KALRN: variants seen among roughly 807,000 people sequenced by gnomAD.
The protein encoded by KALRN is kalirin.
In KALRN, 70 loss-of-function variants were observed where a neutral mutation model predicts 353.7. The ratio of observed to expected loss-of-function variants is 0.20; its 90% CI spans 0.16 to 0.24. KALRN has a LOEUF of 0.24. Ranked by LOEUF, KALRN falls within the 10% of genes least tolerant of loss-of-function variation. The probability of loss-of-function intolerance (pLI) is 1.00; values close to 1 mark genes in which losing one functional copy is unlikely to be tolerated. For missense variants in KALRN, 2,791 were observed against 3,756.7 expected (o/e 0.74, Z 6.72); for synonymous variants, 1,391 against 1,434.8 (o/e 0.97, Z 0.69).
chr3:124,171,553 G>T (rs1247438135), intron 1 of KALRN, among the ~76,000 whole-genome samples: 2 of 152,118 alleles, frequency 1.3e-5, no homozygotes, highest in African/African-American at 4.8e-5. Flanking sequence ...TGCTCTACTG[G>T]ATTGGTCAAA....
rs561202198 is a variant in KALRN, at chr3:124,451,621, G to T, written c.3553-3556G>T. ...AGTGGGCTTAGGTTGAACGAGAAAA[G>T]ATATGTATGGCCACGTGTGGAAATA... is the stretch of plus-strand genomic sequence containing the variant. On this transcript the variant is annotated intron_variant, in intron 21 of 59. Coordinates refer to ENST00000682506, the MANE Select transcript of KALRN (RefSeq NM_001388419.1). Among the ~76,000 whole-genome samples, 5 of 152,286 alleles carry T rather than the reference G, an allele frequency of 3.3e-5. No individual in the cohort carries two copies. In the East Asian group the frequency reaches 9.6e-4, roughly 29 times the overall value.
At chr3:124,097,489 A>C (rs189643734) in intron 1 of KALRN, among the ~76,000 whole-genome samples, 69 of 152,388 alleles carry the variant, frequency 4.5e-4, no homozygotes, top group African/African-American at 1.6e-3. Flanking sequence ...AGGAAATGAG[A>C]AGTGGGAACT....
chr3:124,593,910 C>T (rs60620328), intron 34 of KALRN, among the ~76,000 whole-genome samples: 16,867 of 152,178 alleles, frequency 0.11, 2,120 homozygotes, highest in East Asian at 0.43. Flanking sequence ...CCAGGCTGGT[C>T]TCTAACTCCT....
chr3:124,240,544 C>T (rs2080305548), intron 3 of KALRN, among the ~76,000 whole-genome samples: 1 of 152,078 alleles, frequency 6.6e-6, no homozygotes, highest in Admixed American at 6.5e-5. Context: ...TGGAAGATGC[C>T]ACCAACACAT....
chr3:124,235,614 A>G (rs2079659317), intron 3 of KALRN, among the ~76,000 whole-genome samples: 1 of 150,844 alleles, frequency 6.6e-6, no homozygotes, highest in African/African-American at 2.4e-5. Context: ...GCTTAGGGAA[A>G]GGGGCTGACA....
In KALRN at chr3:124,661,928, G is replaced by A; in HGVS notation, c.6345G>A (p.Glu2115=). 6.2e-7 allele frequency: 1 copy of A among 1,613,160 alleles called. No individual in the cohort carries two copies. The highest frequency in any genetic ancestry group is 8.5e-7 in the Non-Finnish European group (1 of 1,179,186). Residue 2115 remains glutamate, a splice_region_variant and synonymous_variant, in exon 45 of 60, where the codon GAG becomes GAA. Transcript: ENST00000682506. ...ATCTAGGACGTCTGCAGGGCTTTGA[G>A]GTGAGTCTTTAAGAATGCGTCTAAG... The part of the protein sequence containing the change: ...MMNLGRLQGF[E]GTLTAQGKLL...
chr3:124,104,032 C>T (rs1047959898), intron 1 of KALRN, among the ~76,000 whole-genome samples: 1 of 152,260 alleles, frequency 6.6e-6, no homozygotes, highest in South Asian at 2.1e-4. Flanking sequence ...TCAAGTGATA[C>T]TTATAAGGGG....
intron 58 of KALRN, among the ~76,000 whole-genome samples, chr3:124,716,752 G>A (rs1186350719): frequency 6.6e-6 from 1 of 152,208 alleles, no homozygotes; most frequent in Non-Finnish European, 1.5e-5. Flanking sequence ...GCTGCAGTGA[G>A]CTATGATTGT....
chr3:124,177,896 C>T (rs1401316590), intron 1 of KALRN, among the ~76,000 whole-genome samples: 1 of 152,164 alleles, frequency 6.6e-6, no homozygotes, highest in Non-Finnish European at 1.5e-5. Context: ...ATCCATGGAT[C>T]TCTGGGTAAT....
intron 37 of KALRN, among the ~76,000 whole-genome samples, chr3:124,649,660 G>T (rs1358851774): frequency 6.6e-6 from 1 of 151,332 alleles, no homozygotes. Flanking sequence ...ATATGGTGGT[G>T]CATGACTGTC....
At chr3:124,109,727 TACTTTGATATATATATGAC>T (rs2062677883) in intron 1 of KALRN, among the ~76,000 whole-genome samples, 1 of 144,324 alleles carries the variant, frequency 6.9e-6, no homozygotes, top group South Asian at 2.2e-4. Context: ...ATATATATCA[TACTTTGATATATATATGAC>T]ATATATATCA....
At chr3:124,495,319 C>T (rs2063587364) in intron 32 of KALRN, among the ~76,000 whole-genome samples, 1 of 152,130 alleles carries the variant, frequency 6.6e-6, no homozygotes, top group African/African-American at 2.4e-5. Flanking sequence ...CAGATGAAGG[C>T]AATAAATTCC....
intron 1 of KALRN, among the ~76,000 whole-genome samples, chr3:124,079,614 T>G (rs577763286): frequency 6.6e-6 from 1 of 152,194 alleles, no homozygotes; most frequent in African/African-American, 2.4e-5. Context: ...AGTCAAAATA[T>G]GGAATCATAG....
intron 3 of KALRN, among the ~76,000 whole-genome samples, chr3:124,254,344 C>G (rs915779686): frequency 6.7e-6 from 1 of 150,230 alleles, no homozygotes; most frequent in Non-Finnish European, 1.5e-5. Context: ...ACTTTCTACC[C>G]TCAGTTCTAA....
intron 34 of KALRN, among the ~76,000 whole-genome samples, chr3:124,601,879 A>G: frequency 6.8e-6 from 1 of 147,780 alleles, no homozygotes; most frequent in Admixed American, 6.7e-5. Context: ...AAAAAAAAAT[A>G]GCTGGGTTTG....
intron 34 of KALRN, among the ~76,000 whole-genome samples, chr3:124,578,563 G>T (rs570580821): frequency 1.3e-5 from 2 of 152,300 alleles, no homozygotes; most frequent in Non-Finnish European, 2.9e-5. Flanking sequence ...AAAGTCCGTG[G>T]TTCTCAGCCA....
At position 124,155,302 on chromosome 3, in the gene KALRN, G is replaced by A. The variant is rs536629500; in HGVS notation, c.74-72688G>A. 5.9e-5 allele frequency among the ~76,000 whole-genome samples: 9 copies of A among 152,168 alleles called. No individual in the cohort carries two copies. In the South Asian group the frequency reaches 8.3e-4, roughly 14 times the overall value. ...AAAGAGATTTTTTTTCTCCTGTTTT[G>A]TCATCAGTAGACTTGAAGACATTTA... On this transcript the variant is annotated intron_variant, in intron 1 of 59. Coordinates refer to ENST00000682506, the MANE Select transcript of KALRN (RefSeq NM_001388419.1).
chr3:124,665,199 T>C (rs928543800), intron 45 of KALRN, among the ~76,000 whole-genome samples: 2 of 152,214 alleles, frequency 1.3e-5, no homozygotes, highest in Admixed American at 1.3e-4. Flanking sequence ...AAAGAGCACC[T>C]GCATTTCAGA....
rs140147759 is a variant in KALRN at position 124,527,645 on chromosome 3, A to C, written c.4935+31232A>C. 9.5e-4 allele frequency among the ~76,000 whole-genome samples: 145 copies of C among 152,162 alleles called. 3 individuals carry two copies. Among genetic ancestry groups the C allele is most frequent in the Middle Eastern group, 3.4e-3 (1 of 294 alleles). On this transcript the variant is annotated intron_variant, in intron 33 of 59. Transcript: ENST00000682506. ...GAAGAAGAAGCATTGGGGAGAAGCA[A>C]TTTTATCTAGGAGCAAGTAGGAACT...
Sources: allele counts gnomAD v4.1 joint callset (sites outside exome capture counted in the v4.1 genomes callset), GRCh38; gene constraint gnomAD v4.1.1; transcripts MANE v1.5; gene names NCBI Gene and HGNC (gene_info 2026-07-23, HGNC 2026-07-21).